NUP133: variants seen among roughly 807,000 people sequenced by gnomAD.
NUP133 encodes nuclear pore complex protein Nup133.
In NUP133, 66 loss-of-function variants were observed where a neutral mutation model predicts 146.2. The observed-to-expected ratio is 0.45, with a 90% confidence interval of 0.37 to 0.55. The LOEUF (loss-of-function observed/expected upper bound fraction) is 0.55, where lower values mean the gene tolerates loss of function less well. Ranked by LOEUF, NUP133 falls within the 20% of genes least tolerant of loss-of-function variation. The pLI, the probability that NUP133 is intolerant of heterozygous loss-of-function variation, is 0.00. For missense variants in NUP133, 1,277 were observed against 1,374.8 expected (o/e 0.93, Z 1.12); for synonymous variants, 521 against 498.8 (o/e 1.04, Z -0.59).
chr1:229,463,735 A>T, intron 18 of NUP133, 59 bp from the exon 19 acceptor site: 1 of 1,490,826 alleles, frequency 6.7e-7, no homozygotes, highest in Non-Finnish European at 9.0e-7. Flanking sequence ...AATCTGTAAT[A>T]AAAAATGTTA....
intron 10 of NUP133, among the ~76,000 whole-genome samples, chr1:229,486,923 A>G (rs1331949461): frequency 6.9e-6 from 1 of 145,802 alleles, no homozygotes. Context: ...AAAAAAAAAA[A>G]GGTCTAAGCC....
Position 229,471,249 on chromosome 1 carries a change from A to G in NUP133, c.1852-445T>C, listed in dbSNP as rs183456329. On this transcript the variant is annotated intron_variant, in intron 14 of 25. Coordinates refer to ENST00000261396, the MANE Select transcript of NUP133 (RefSeq NM_018230.3). ...CATCTTCCACCTCAGCCTCCCAAGC[A>G]GCACGCCACCACAACAGGATAATTT... Among the ~76,000 whole-genome samples, 294 of 152,230 alleles carry G rather than the reference A, an allele frequency of 1.9e-3. 1 individual carries two copies. The highest frequency in any genetic ancestry group is 6.8e-3 in the Middle Eastern group (2 of 294).
chr1:229,505,913 A>G, intron 2 of NUP133, 127 bp downstream of exon 2: 1 of 599,058 alleles, frequency 1.7e-6, no homozygotes. Context: ...AAAAAACACT[A>G]GACAGGCCAC....
intron 8 of NUP133, among the ~76,000 whole-genome samples, chr1:229,490,741 T>A (rs1379632017): frequency 2.0e-5 from 3 of 152,152 alleles, no homozygotes; most frequent in Non-Finnish European, 2.9e-5. Context: ...GGTGGGCACA[T>A]AACCTCAGAT....
intron 24 of NUP133, among the ~76,000 whole-genome samples, chr1:229,448,428 CAAAATAAA>C (rs575378206): frequency 1.3e-3 from 201 of 151,472 alleles, no homozygotes; most frequent in African/African-American, 4.5e-3. Context: ...AACTCTGTCT[CAAAATAAA>C]AAAATAAAAA....
chr1:229,480,802 T>G (rs955916576), intron 12 of NUP133, among the ~76,000 whole-genome samples: 3 of 151,028 alleles, frequency 2.0e-5, no homozygotes, highest in African/African-American at 7.3e-5. Flanking sequence ...TTCTCCTGCC[T>G]CAGTCTCCTG....
chr1:229,458,443 T>C (rs113950647), intron 20 of NUP133, 147 bp from the exon 21 acceptor site: 269 of 593,372 alleles, frequency 4.5e-4, no homozygotes, highest in African/African-American at 4.4e-3. Flanking sequence ...AACTGAGCAG[T>C]ACGTAACATT....
intron 8 of NUP133, among the ~76,000 whole-genome samples, chr1:229,493,749 C>T (rs1410149982): frequency 6.6e-6 from 1 of 152,204 alleles, no homozygotes; most frequent in African/African-American, 2.4e-5. Context: ...AACACTGGGG[C>T]AGAGGAGCCC....
intron 2 of NUP133, among the ~76,000 whole-genome samples, chr1:229,503,764 T>C (rs1277207176): frequency 3.3e-5 from 5 of 152,234 alleles, no homozygotes; most frequent in African/African-American, 1.2e-4. Context: ...CTTTAAGGGC[T>C]GACTTAACAG....
At position 229,445,349 on chromosome 1, in the gene NUP133, T is replaced by C. The variant is rs139813139; in HGVS notation, c.3246-347A>G. On this transcript the variant is annotated intron_variant, in intron 24 of 25. Transcript: ENST00000261396. ...GGTATCTTTCTGAAGAAAATTCTAT[T>C]AGTAAGTAACATATTCAGTATGGAC... Among the ~76,000 whole-genome samples the C allele has an allele frequency of 3.3e-5, 5 of 152,314 alleles. No homozygotes were observed. In the East Asian group the frequency reaches 9.6e-4, roughly 29 times the overall value.
At chr1:229,457,258 T>C (rs757500069) in intron 21 of NUP133, among the ~76,000 whole-genome samples, 1 of 152,162 alleles carries the variant, frequency 6.6e-6, no homozygotes, top group Non-Finnish European at 1.5e-5. Context: ...CAAGAAAATA[T>C]ATTGTTTTTA....
intron 16 of NUP133, among the ~76,000 whole-genome samples, chr1:229,465,926 G>A (rs10916484): frequency 0.29 from 42,509 of 148,636 alleles, 8,172 homozygotes; most frequent in African/African-American, 0.55. Flanking sequence ...AAAAGAAAAT[G>A]AGAGAAAAAA....
intron 3 of NUP133, 98 bp downstream of exon 3, chr1:229,501,901 T>C (rs1383407055): frequency 9.8e-6 from 8 of 818,870 alleles, no homozygotes; most frequent in Middle Eastern, 2.3e-4. Flanking sequence ...TAGTTTCCTA[T>C]TGACTATCCT....
Position 229,508,121 on chromosome 1 carries a change from G to A in NUP133, c.129C>T (p.Val43=). The A allele has an allele frequency of 6.3e-7, 1 of 1,575,758 alleles. No individual in the cohort carries two copies. The highest frequency in any genetic ancestry group is 1.8e-5 in the Admixed American group (1 of 54,646). Residue 43 remains valine (V), a synonymous_variant, in exon 1 of 26, where the codon GTC becomes GTT. Coordinates refer to ENST00000261396, the MANE Select transcript of NUP133 (RefSeq NM_018230.3). ...CCGGCGAGAAGAGCACTGGGGAGCT[G>A]ACTGCAGACCCCAGGGGCAGACCCT... ...SRKGLPLGSA[V]SSPVLFSPVG... is the part of the protein sequence containing the mutation.
chr1:229,502,558 C>CAAAAAAAAAAAAAAAAAAAAAAAAA (rs58520087), intron 2 of NUP133, among the ~76,000 whole-genome samples: 2 of 43,120 alleles, frequency 4.6e-5, no homozygotes, highest in East Asian at 6.9e-4. Flanking sequence ...GACTCCATCT[C>CAAAAAAAAAAAAAAAAAAAAAAAAA]AAAAAAAAAA....
chr1:229,486,361 A>C lies in NUP133; in HGVS notation c.1500+10T>G. 1 of 1,561,798 alleles carries C rather than the reference A, an allele frequency of 6.4e-7. No individual in the cohort carries two copies. Among genetic ancestry groups the C allele is most frequent in the Non-Finnish European group, 8.6e-7 (1 of 1,162,882 alleles). ...CATAAAAACTTCAAATTCTTATCGA[A>C]TCACATTACCTCACTGTTTGGTCCA... On this transcript the variant is annotated intron_variant, in intron 11 of 25. Transcript: ENST00000261396.
chr1:229,450,679 A>C (rs1660427750), intron 22 of NUP133, 74 bp from the exon 23 acceptor site: 2 of 693,316 alleles, frequency 2.9e-6, no homozygotes, highest in South Asian at 4.2e-5. Flanking sequence ...TGGAGAAAAG[A>C]AGTCATTATG....
At chr1:229,491,834 T>C (rs1025784867) in intron 8 of NUP133, among the ~76,000 whole-genome samples, 4 of 152,122 alleles carry the variant, frequency 2.6e-5, no homozygotes, top group Non-Finnish European at 4.4e-5. Flanking sequence ...TCCAAGCACT[T>C]TGGGAGAGGC....
Position 229,489,992 on chromosome 1 carries a change from A to C in NUP133, c.1157T>G (p.Val386Gly). The C allele has an allele frequency of 6.2e-7, 1 of 1,609,728 alleles. No homozygotes were observed. The highest frequency in any genetic ancestry group is 8.5e-7 in the Non-Finnish European group (1 of 1,177,634). The part of the protein sequence containing the change: ...EDNGCQMSDA[V>G]TVEVTQYNPP... ...ATTATATTGAGTGACTTCTACAGTAACTGCATCTGACATTTGGCAACCATT... is the reference window on the plus strand; with the variant it reads ...ATTATATTGAGTGACTTCTACAGTACCTGCATCTGACATTTGGCAACCATT... Residue 386 changes from valine to glycine, a missense_variant, in exon 9 of 26, where the codon GTT (valine) becomes GGT (glycine). Transcript: ENST00000261396.
Sources: allele counts gnomAD v4.1 joint callset (sites outside exome capture counted in the v4.1 genomes callset), GRCh38; gene constraint gnomAD v4.1.1; transcripts MANE v1.5; gene names NCBI Gene and HGNC (gene_info 2026-07-23, HGNC 2026-07-21).